ACAP2: variants seen among roughly 807,000 people sequenced by gnomAD.
ACAP2 encodes ArfGAP with coiled-coil, ankyrin repeat and PH domains 2.
ACAP2 carries 39 observed loss-of-function variants against 115.8 expected under a neutral mutation model. That is an observed-to-expected ratio of 0.34 (90% CI 0.26 to 0.44). ACAP2 has a LOEUF of 0.44. Among genes scored for constraint, ACAP2 ranks in the 20% least tolerant of loss-of-function variants. ACAP2 has a pLI of 1.00. For missense variants in ACAP2, 662 were observed against 927.6 expected (o/e 0.71, Z 3.72); for synonymous variants, 289 against 315.8 (o/e 0.92, Z 0.90).
In ACAP2 at chr3:195,297,300, T is replaced by A. The variant is rs766198205; in HGVS notation, c.1396-19A>T. Reference sequence around the variant, plus strand: ...ACATAAGCTGTTTGGCAAAAAAAAATAGAAAAATAAGCTATACATTAAAGA... The same window carrying A: ...ACATAAGCTGTTTGGCAAAAAAAAAAAGAAAAATAAGCTATACATTAAAGA... On this transcript the variant is annotated intron_variant, in intron 15 of 22. Transcript: ENST00000326793. 10 of 1,589,440 alleles carry A rather than the reference T, an allele frequency of 6.3e-6. No homozygotes were observed. In the African/African-American group the frequency reaches 9.5e-5, roughly 15 times the overall value.
chr3:195,287,174 G>A (rs141523750), intron 21 of ACAP2, among the ~76,000 whole-genome samples: 1 of 152,180 alleles, frequency 6.6e-6, no homozygotes, highest in African/African-American at 2.4e-5. Flanking sequence ...CAGGGTAAGT[G>A]AATAAGTGAT....
chr3:195,436,324 G>T (rs1577483270), intron 1 of ACAP2, among the ~76,000 whole-genome samples: 1 of 151,822 alleles, frequency 6.6e-6, no homozygotes. Context: ...GGTAGAGACA[G>T]GGTTTCATCA....
chr3:195,374,962 C>A (rs199634159), intron 4 of ACAP2, among the ~76,000 whole-genome samples: 1 of 151,960 alleles, frequency 6.6e-6, no homozygotes, highest in African/African-American at 2.4e-5. Context: ...GAGGCCAAGG[C>A]GGGCAGATCA....
chr3:195,432,098 T>C (rs1374931216), intron 1 of ACAP2, among the ~76,000 whole-genome samples: 1 of 152,220 alleles, frequency 6.6e-6, no homozygotes, highest in African/African-American at 2.4e-5. Flanking sequence ...TAGATACAAA[T>C]CCCTTAACAG....
intron 21 of ACAP2, among the ~76,000 whole-genome samples, chr3:195,286,220 A>T (rs1203741185): frequency 6.6e-6 from 1 of 152,240 alleles, no homozygotes; most frequent in Non-Finnish European, 1.5e-5. Context: ...TCTATAGTGC[A>T]GAAGTGAGAA....
chr3:195,437,752 T>A (rs970368148), intron 1 of ACAP2, among the ~76,000 whole-genome samples: 1 of 145,354 alleles, frequency 6.9e-6, no homozygotes, highest in African/African-American at 2.6e-5. Flanking sequence ...GAGGTGGAGG[T>A]TGCAGTGAGT....
chr3:195,412,230 AAAG>A lies in ACAP2; in HGVS notation c.54-20086_54-20084del, dbSNP rs1333407424. ...CATGAGTAAATTGCAAAAAATAAAT[AAAG>A]AAGAAGAATTGGCTTATACTATACT... On this transcript the variant is annotated intron_variant, in intron 1 of 22. Transcript: ENST00000326793. Among the ~76,000 whole-genome samples, 11 of 151,336 alleles carry A rather than the reference AAAG, an allele frequency of 7.3e-5. No individual in the cohort carries two copies. The South Asian group carries it at 8.3e-4, about 11-fold the overall frequency.
intron 1 of ACAP2, among the ~76,000 whole-genome samples, chr3:195,426,691 T>C (rs1714709395): frequency 6.6e-6 from 1 of 152,092 alleles, no homozygotes; most frequent in Non-Finnish European, 1.5e-5. Flanking sequence ...AAGAAAAAAC[T>C]TCCTAACAAT....
intron 4 of ACAP2, among the ~76,000 whole-genome samples, chr3:195,376,356 C>T (rs989592849): frequency 6.6e-6 from 1 of 151,580 alleles, no homozygotes; most frequent in African/African-American, 2.4e-5. Flanking sequence ...GTCACGCACT[C>T]CAGCCTGGGC....
At chr3:195,312,058 A>T (rs1161017524) in intron 10 of ACAP2, among the ~76,000 whole-genome samples, 1 of 151,716 alleles carries the variant, frequency 6.6e-6, no homozygotes, top group Non-Finnish European at 1.5e-5. Flanking sequence ...TTGGGCAGGA[A>T]AAGAAAAAAT....
chr3:195,303,522 G>A (rs1213413811), intron 13 of ACAP2, among the ~76,000 whole-genome samples: 2 of 151,248 alleles, frequency 1.3e-5, no homozygotes, highest in East Asian at 3.9e-4. Flanking sequence ...AGGAGGCAGA[G>A]GTTGCAGTGA....
intron 9 of ACAP2, among the ~76,000 whole-genome samples, chr3:195,325,207 T>C (rs1023038351): frequency 1.3e-5 from 2 of 152,152 alleles, no homozygotes; most frequent in African/African-American, 2.4e-5. Context: ...ATTATCTACT[T>C]ATGCTAAATG....
chr3:195,326,291 G>A (rs569813511), intron 9 of ACAP2: 2 of 152,332 alleles, frequency 1.3e-5, no homozygotes, highest in Admixed American at 1.3e-4. Context: ...TTGCAGGAAT[G>A]TCACACTAAA....
At chr3:195,375,636 A>AC (rs1198967851) in intron 4 of ACAP2, among the ~76,000 whole-genome samples, 1 of 151,948 alleles carries the variant, frequency 6.6e-6, no homozygotes, top group Non-Finnish European at 1.5e-5. Flanking sequence ...ACACAGCAAG[A>AC]CCCCATCTCA....
intron 1 of ACAP2, among the ~76,000 whole-genome samples, chr3:195,394,881 G>A (rs1390813190): frequency 1.3e-5 from 2 of 151,432 alleles, no homozygotes; most frequent in Admixed American, 6.6e-5. Flanking sequence ...CTGCACCACT[G>A]CGCTCCTGCC....
At chr3:195,288,462 G>A (rs1422923456) in intron 21 of ACAP2, among the ~76,000 whole-genome samples, 1 of 152,152 alleles carries the variant, frequency 6.6e-6, no homozygotes, top group Non-Finnish European at 1.5e-5. Flanking sequence ...CTGTGTGCAA[G>A]TACAGTTGGC....
In ACAP2 at chr3:195,294,816, T is replaced by C; in HGVS notation, c.1673-5A>G. 1 of 1,572,596 alleles carries C rather than the reference T, an allele frequency of 6.4e-7. No individual in the cohort carries two copies. Among genetic ancestry groups the C allele is most frequent in the Admixed American group, 1.7e-5 (1 of 58,808 alleles). ...TTCCACTGTCATTACTTCTGACTGTTTTAAAGAAAAATTAACTAATGATTA... is the reference window on the plus strand; with the variant it reads ...TTCCACTGTCATTACTTCTGACTGTCTTAAAGAAAAATTAACTAATGATTA... On this transcript the variant is annotated splice_region_variant and splice_polypyrimidine_tract_variant and intron_variant, in intron 17 of 22. Transcript: ENST00000326793.
chr3:195,390,789 A>G (rs1243183631), intron 2 of ACAP2, among the ~76,000 whole-genome samples: 1 of 152,220 alleles, frequency 6.6e-6, no homozygotes, highest in Non-Finnish European at 1.5e-5. Flanking sequence ...AAACTAGAAA[A>G]TTATTTTCAG....
chr3:195,310,368 C>T (rs936031555), intron 10 of ACAP2, among the ~76,000 whole-genome samples: 4 of 152,144 alleles, frequency 2.6e-5, no homozygotes, highest in Non-Finnish European at 5.9e-5. Flanking sequence ...TTCTGGGTTT[C>T]TTTACTTTGG....
Sources: allele counts gnomAD v4.1 joint callset (sites outside exome capture counted in the v4.1 genomes callset), GRCh38; gene constraint gnomAD v4.1.1; transcripts MANE v1.5; gene names NCBI Gene and HGNC (gene_info 2026-07-23, HGNC 2026-07-21).